RNF180: variants seen among roughly 807,000 people sequenced by gnomAD.
RNF180 encodes E3 ubiquitin-protein ligase RNF180.
Under a neutral mutation model 59.2 loss-of-function variants are expected in RNF180, and 38 were observed. The ratio of observed to expected loss-of-function variants is 0.64; its 90% CI spans 0.50 to 0.84. RNF180 has a LOEUF of 0.84. Among genes scored for constraint, RNF180 ranks in the 40% least tolerant of loss-of-function variants. The probability of loss-of-function intolerance (pLI) is 0.00; values close to 1 mark genes in which losing one functional copy is unlikely to be tolerated. For synonymous variants in RNF180, 262 were observed against 240.3 expected, an observed-to-expected ratio of 1.09 and a Z score of -0.84; for missense variants, 705 against 700.9, an observed-to-expected ratio of 1.01 and a Z score of -0.07.
intron 5 of RNF180, among the ~76,000 whole-genome samples, chr5:64,233,607 C>CA (rs754224553): frequency 1.4e-4 from 21 of 151,992 alleles, no homozygotes; most frequent in Non-Finnish European, 3.1e-4. Context: ...TAATATACGC[C>CA]AAAATCTATG....
At chr5:64,195,974 T>C (rs1009444579) in intron 1 of RNF180, among the ~76,000 whole-genome samples, 1 of 152,202 alleles carries the variant, frequency 6.6e-6, no homozygotes, top group African/African-American at 2.4e-5. Flanking sequence ...CGCACAGATA[T>C]GGGGAGAGCT....
intron 7 of RNF180, among the ~76,000 whole-genome samples, chr5:64,352,764 A>G (rs1344160708): frequency 2.0e-5 from 3 of 152,182 alleles, no homozygotes; most frequent in African/African-American, 7.2e-5. Context: ...GATATAAAAT[A>G]TCAGGCTACT....
At chr5:64,223,034 C>G (rs1741448893) in intron 5 of RNF180, among the ~76,000 whole-genome samples, 1 of 152,176 alleles carries the variant, frequency 6.6e-6, no homozygotes, top group Admixed American at 6.5e-5. Flanking sequence ...TAAAATAACA[C>G]AGTTTTATCA....
At position 64,372,012 on chromosome 5, in the gene RNF180, A is replaced by C. The variant is rs970361130; in HGVS notation, c.*2198A>C. The stretch of plus-strand genomic sequence containing the variant: ...TCACAGTAAAAACTCACTGTCCAAT[A>C]AAGAGCCAAAGAAAGGAAAAGAAGA... On this transcript the variant is annotated 3_prime_UTR_variant, in exon 8 of 8. Coordinates refer to ENST00000389100, the MANE Select transcript of RNF180 (RefSeq NM_001113561.2). 4.6e-5 allele frequency: 7 copies of C among 151,708 alleles called. No individual in the cohort carries two copies. The highest frequency in any genetic ancestry group is 1.5e-5 in the Non-Finnish European group (1 of 67,772). The allele number at this position is 151,708 out of a possible 1,614,324, so 9.4% of individuals were successfully genotyped here. A position where few individuals can be genotyped will look rare whatever the true frequency, so the allele number is the denominator to read the frequency against.
chr5:64,215,586 A>G (rs1347242956), intron 4 of RNF180, among the ~76,000 whole-genome samples: 1 of 152,144 alleles, frequency 6.6e-6, no homozygotes, highest in Non-Finnish European at 1.5e-5. Context: ...ATGTGACATC[A>G]AAGTATATAT....
chr5:64,295,403 A>G (rs1467046755), intron 5 of RNF180, among the ~76,000 whole-genome samples: 1 of 152,214 alleles, frequency 6.6e-6, no homozygotes, highest in Non-Finnish European at 1.5e-5. Flanking sequence ...TTAATGCTCT[A>G]TGGGGAAAAC....
At chr5:64,286,962 T>C (rs1742321791) in intron 5 of RNF180, among the ~76,000 whole-genome samples, 1 of 152,118 alleles carries the variant, frequency 6.6e-6, no homozygotes, top group South Asian at 2.1e-4. Context: ...CTTAAAAAAG[T>C]CCAGATTTAT....
At chr5:64,283,395 A>G (rs1049793560) in intron 5 of RNF180, among the ~76,000 whole-genome samples, 4 of 152,132 alleles carry the variant, frequency 2.6e-5, no homozygotes, top group African/African-American at 9.6e-5. Flanking sequence ...TCTTGAAGAC[A>G]GCATACAGTT....
At chr5:64,200,327 C>A (rs1464696558) in intron 1 of RNF180, among the ~76,000 whole-genome samples, 1 of 152,126 alleles carries the variant, frequency 6.6e-6, no homozygotes, top group Non-Finnish European at 1.5e-5. Flanking sequence ...TGGTGGTGCA[C>A]TCCTATAGTC....
In RNF180 at chr5:64,231,537, C is replaced by T. The variant is rs573619631; in HGVS notation, c.1227+14141C>T. On this transcript the variant is annotated intron_variant, in intron 5 of 7. Coordinates refer to ENST00000389100, the MANE Select transcript of RNF180 (RefSeq NM_001113561.2). ...CTGAGTTTGATAAGGAAGAGTTGTG[C>T]TCTCTTTCGGTTAATTCGTTAGTTA... is the stretch of plus-strand genomic sequence containing the variant. Among the ~76,000 whole-genome samples, 7 of 152,336 alleles carry T rather than the reference C, an allele frequency of 4.6e-5. No individual in the cohort carries two copies. In the East Asian group the frequency reaches 1.3e-3, roughly 29 times the overall value.
intron 5 of RNF180, among the ~76,000 whole-genome samples, chr5:64,278,644 A>G (rs542624725): frequency 6.6e-6 from 1 of 152,348 alleles, no homozygotes; most frequent in African/African-American, 2.4e-5. Flanking sequence ...TCCTTCTTAG[A>G]TGAATAATAA....
chr5:64,297,306 C>A (rs980395803), intron 5 of RNF180, among the ~76,000 whole-genome samples: 1 of 151,976 alleles, frequency 6.6e-6, no homozygotes, highest in African/African-American at 2.4e-5. Context: ...TGGTTTCTTA[C>A]ATTTTTCAGT....
intron 1 of RNF180, among the ~76,000 whole-genome samples, chr5:64,185,917 C>G (rs148143654): frequency 6.6e-6 from 1 of 152,248 alleles, no homozygotes; most frequent in East Asian, 1.9e-4. Flanking sequence ...AGGAACAGAG[C>G]AAACAATAAA....
intron 2 of RNF180, among the ~76,000 whole-genome samples, chr5:64,210,766 T>C (rs1008872172): frequency 1.3e-5 from 2 of 152,200 alleles, no homozygotes; most frequent in African/African-American, 4.8e-5. Flanking sequence ...GTTTTGAAGA[T>C]ACCTTTCTCC....
intron 5 of RNF180, among the ~76,000 whole-genome samples, chr5:64,318,845 G>GA: frequency 6.6e-6 from 1 of 151,982 alleles, no homozygotes; most frequent in East Asian, 1.9e-4. Context: ...AAATGCCCAA[G>GA]AAAAAACAAA....
chr5:64,243,746 G>A (rs1318303700), intron 5 of RNF180, among the ~76,000 whole-genome samples: 1 of 152,166 alleles, frequency 6.6e-6, no homozygotes, highest in East Asian at 1.9e-4. Flanking sequence ...TCTGCTAAGG[G>A]ACAGACTGCC....
chr5:64,236,586 TGAG>T (rs1489357435), intron 5 of RNF180, among the ~76,000 whole-genome samples: 1 of 152,160 alleles, frequency 6.6e-6, no homozygotes, highest in Non-Finnish European at 1.5e-5. Flanking sequence ...GCATAAGTAA[TGAG>T]AAGATGAATA....
chr5:64,276,676 T>C (rs1580164563), intron 5 of RNF180, among the ~76,000 whole-genome samples: 2 of 152,042 alleles, frequency 1.3e-5, no homozygotes, highest in Admixed American at 1.3e-4. Context: ...ACTAAGAACT[T>C]TGATTTATTA....
intron 7 of RNF180, among the ~76,000 whole-genome samples, chr5:64,348,940 T>C (rs1745669682): frequency 1.3e-5 from 2 of 152,144 alleles, no homozygotes; most frequent in Non-Finnish European, 2.9e-5. Context: ...TGAGACATGA[T>C]CTAACAAGCG....
Sources: gnomAD v4.1 joint callset for allele counts (sites outside exome capture counted in the v4.1 genomes callset) on GRCh38, gnomAD v4.1.1 for gene constraint, MANE v1.5 for transcripts, NCBI Gene and HGNC (gene_info 2026-07-23, HGNC 2026-07-21) for gene names.